The following ASIC2 variants were observed in gnomAD, a reference collection of about 807,000 sequenced individuals.
ASIC2 encodes the protein acid-sensing ion channel 2.
A neutral mutation model predicts 57.3 loss-of-function variants in ASIC2; 25 were observed. The ratio of observed to expected loss-of-function variants is 0.44; its 90% CI spans 0.32 to 0.61. ASIC2 has a LOEUF of 0.61. ASIC2 is among the 20% of genes least tolerant of loss of function. ASIC2 has a pLI of 0.06. For missense variants in ASIC2, 641 were observed against 738.1 expected, an observed-to-expected ratio of 0.87 and a Z score of 1.52; for synonymous variants, 319 against 307.5, an observed-to-expected ratio of 1.04 and a Z score of -0.39.
chr17:33,628,158 C>T (rs1906045951), intron 1 of ASIC2, among the ~76,000 whole-genome samples: 1 of 152,178 alleles, frequency 6.6e-6, no homozygotes, highest in Non-Finnish European at 1.5e-5. Flanking sequence ...TCAGGGTGGT[C>T]CCGATGCCTG....
intron 1 of ASIC2, among the ~76,000 whole-genome samples, chr17:33,996,430 C>T (rs1016607259): frequency 6.6e-6 from 1 of 152,250 alleles, no homozygotes; most frequent in African/African-American, 2.4e-5. Flanking sequence ...ATTGCCTAGG[C>T]CAACACCAAC....
At chr17:33,248,252 CT>C (rs1908761175) in intron 1 of ASIC2, among the ~76,000 whole-genome samples, 1 of 152,160 alleles carries the variant, frequency 6.6e-6, no homozygotes, top group Non-Finnish European at 1.5e-5. Flanking sequence ...AGGTGTACGC[CT>C]GGCCTGTTCA....
chr17:33,980,760 A>T (rs909505395), intron 1 of ASIC2: 1 of 152,168 alleles, frequency 6.6e-6, no homozygotes, highest in African/African-American at 2.4e-5. Context: ...TTCACATCCA[A>T]TGATTGATCC....
At chr17:33,761,867 C>G (rs1293029283) in intron 1 of ASIC2, among the ~76,000 whole-genome samples, 1 of 150,940 alleles carries the variant, frequency 6.6e-6, no homozygotes, top group African/African-American at 2.4e-5. Context: ...TTTCTACCAC[C>G]CTTTCCAGAG....
At chr17:33,105,874 C>T (rs2092232646) in intron 2 of ASIC2, among the ~76,000 whole-genome samples, 1 of 152,040 alleles carries the variant, frequency 6.6e-6, no homozygotes, top group South Asian at 2.1e-4. Context: ...GTATTTTGTC[C>T]CCACCCTAGA....
intron 1 of ASIC2, among the ~76,000 whole-genome samples, chr17:33,237,034 C>A (rs745651997): frequency 6.6e-6 from 1 of 152,160 alleles, no homozygotes; most frequent in Non-Finnish European, 1.5e-5. Flanking sequence ...ATGCCAAGGA[C>A]ATGATGCAGG....
chr17:33,533,837 T>C (rs1201393755), intron 1 of ASIC2: 2 of 152,196 alleles, frequency 1.3e-5, no homozygotes, highest in Non-Finnish European at 2.9e-5. Flanking sequence ...TTTTGCAAGA[T>C]GAAGACACTA....
intron 1 of ASIC2, among the ~76,000 whole-genome samples, chr17:33,462,901 TGA>T (rs1354659101): frequency 6.6e-6 from 1 of 152,180 alleles, no homozygotes; most frequent in Non-Finnish European, 1.5e-5. Context: ...TTTATAGTGA[TGA>T]GAGAGGTGAT....
At chr17:33,228,441 C>T (rs1293380749) in intron 1 of ASIC2, among the ~76,000 whole-genome samples, 4 of 152,202 alleles carry the variant, frequency 2.6e-5, no homozygotes, top group Admixed American at 1.3e-4. Context: ...CAGGTCCTCC[C>T]GAGGAGGCAG....
At chr17:33,143,181 T>A (rs906348196) in intron 1 of ASIC2, among the ~76,000 whole-genome samples, 9 of 152,174 alleles carry the variant, frequency 5.9e-5, no homozygotes, top group African/African-American at 2.2e-4. Context: ...TGAGTCTTTC[T>A]TAGATCATGG....
chr17:33,456,266 A>G (rs1912448967), intron 1 of ASIC2, among the ~76,000 whole-genome samples: 1 of 152,048 alleles, frequency 6.6e-6, no homozygotes, highest in African/African-American at 2.4e-5. Flanking sequence ...TGGCTTCATT[A>G]TTGTTCTGTT....
chr17:33,170,857 C>T (rs539376625), intron 1 of ASIC2, among the ~76,000 whole-genome samples: 1 of 152,316 alleles, frequency 6.6e-6, no homozygotes, highest in South Asian at 2.1e-4. Flanking sequence ...CTCTCTACTT[C>T]CTATAGCAAC....
chr17:33,837,460 G>A (rs1436657511), intron 1 of ASIC2, among the ~76,000 whole-genome samples: 1 of 152,116 alleles, frequency 6.6e-6, no homozygotes, highest in African/African-American at 2.4e-5. Flanking sequence ...CTGTAATTTA[G>A]CCCCAGGGAA....
intron 1 of ASIC2, among the ~76,000 whole-genome samples, chr17:33,251,847 CA>C (rs1908895945): frequency 6.6e-6 from 1 of 152,054 alleles, no homozygotes; most frequent in Non-Finnish European, 1.5e-5. Context: ...TTTCTAAAGG[CA>C]AAAAATCCCT....
chr17:33,898,557 T>G (rs1419366426), intron 1 of ASIC2, among the ~76,000 whole-genome samples: 1 of 152,180 alleles, frequency 6.6e-6, no homozygotes, highest in Non-Finnish European at 1.5e-5. Context: ...CTTACCTAGC[T>G]TCCCGTAGTA....
At chr17:33,740,341 G>A (rs1468358491) in intron 1 of ASIC2, among the ~76,000 whole-genome samples, 1 of 152,232 alleles carries the variant, frequency 6.6e-6, no homozygotes, top group African/African-American at 2.4e-5. Flanking sequence ...AATTTCACAT[G>A]GCTGGGAGGC....
intron 1 of ASIC2, among the ~76,000 whole-genome samples, chr17:33,648,187 C>A (rs558192338): frequency 6.6e-6 from 1 of 152,320 alleles, no homozygotes; most frequent in South Asian, 2.1e-4. Flanking sequence ...GTGGCAGCCA[C>A]ATGTAATTCT....
At chr17:33,906,611 A>G (rs1330366873) in intron 1 of ASIC2, among the ~76,000 whole-genome samples, 1 of 152,224 alleles carries the variant, frequency 6.6e-6, no homozygotes, top group Admixed American at 6.5e-5. Flanking sequence ...ACCTGCGAGT[A>G]TATTCATGCT....
intron 1 of ASIC2, among the ~76,000 whole-genome samples, chr17:33,690,152 A>G (rs1040619885): frequency 6.6e-6 from 1 of 152,216 alleles, no homozygotes; most frequent in Non-Finnish European, 1.5e-5. Flanking sequence ...TTAACTTAAA[A>G]TTCTATTATA....
Sources: gnomAD v4.1 joint callset for allele counts (sites outside exome capture counted in the v4.1 genomes callset) on GRCh38, gnomAD v4.1.1 for gene constraint, MANE v1.5 for transcripts, NCBI Gene and HGNC (gene_info 2026-07-23, HGNC 2026-07-21) for gene names.